The following XKR4 variants were observed in gnomAD, a reference collection of about 807,000 sequenced individuals.
XKR4 encodes XK-related protein 4.
XKR4 carries 12 observed loss-of-function variants against 53.9 expected under a neutral mutation model. That is an observed-to-expected ratio of 0.22 (90% CI 0.14 to 0.36). XKR4 has a LOEUF of 0.36. Among genes scored for constraint, XKR4 ranks in the 10% least tolerant of loss-of-function variants. The pLI is 1.00. For missense variants in XKR4, 799 were observed against 859.5 expected, an observed-to-expected ratio of 0.93 and a Z score of 0.88; for synonymous variants, 354 against 362.4, an observed-to-expected ratio of 0.98 and a Z score of 0.26.
At chr8:55,365,164 T>G (rs1803958209) in intron 2 of XKR4, among the ~76,000 whole-genome samples, 1 of 152,216 alleles carries the variant, frequency 6.6e-6, no homozygotes, top group Non-Finnish European at 1.5e-5. Flanking sequence ...ACCTTTTGGC[T>G]GCCCTGGGAT....
At chr8:55,247,802 A>G (rs1041761752) in intron 1 of XKR4, among the ~76,000 whole-genome samples, 2 of 144,892 alleles carry the variant, frequency 1.4e-5, no homozygotes, top group Non-Finnish European at 3.1e-5. Context: ...TAACCAGTAC[A>G]GAACCACTTA....
chr8:55,457,146 C>CTTTTCTCTTTT (rs533607534), intron 2 of XKR4, among the ~76,000 whole-genome samples: 1 of 137,264 alleles, frequency 7.3e-6, no homozygotes, highest in Non-Finnish European at 1.6e-5. Context: ...TTTTCCTTTT[C>CTTTTCTCTTTT]TTTTTTTTTT....
At chr8:55,379,233 A>C (rs1804197606) in intron 2 of XKR4, among the ~76,000 whole-genome samples, 1 of 152,198 alleles carries the variant, frequency 6.6e-6, no homozygotes, top group Non-Finnish European at 1.5e-5. Context: ...CAAAATATCA[A>C]CATAATGCAC....
intron 2 of XKR4, among the ~76,000 whole-genome samples, chr8:55,418,655 C>A (rs868862009): frequency 6.6e-6 from 1 of 152,194 alleles, no homozygotes; most frequent in Non-Finnish European, 1.5e-5. Flanking sequence ...CAGTTCATCT[C>A]ACTCCTCTAT....
intron 1 of XKR4, among the ~76,000 whole-genome samples, chr8:55,322,378 C>T (rs570131170): frequency 1.8e-4 from 28 of 152,048 alleles, no homozygotes; most frequent in African/African-American, 3.4e-4. Flanking sequence ...TTATTCATTC[C>T]GCTGTTGTTG....
At chr8:55,327,816 A>G (rs778653646) in intron 1 of XKR4, among the ~76,000 whole-genome samples, 2 of 152,218 alleles carry the variant, frequency 1.3e-5, no homozygotes, top group Non-Finnish European at 2.9e-5. Context: ...GACATTTTAC[A>G]TGGAGAAAAA....
intron 1 of XKR4, among the ~76,000 whole-genome samples, chr8:55,121,049 AT>A (rs1282008969): frequency 6.6e-6 from 1 of 152,224 alleles, no homozygotes; most frequent in East Asian, 1.9e-4. Context: ...TTGATAGCTC[AT>A]TTGTTTTTAA....
intron 2 of XKR4, chr8:55,450,456 G>A: frequency 1.7e-6 from 1 of 585,554 alleles, no homozygotes; most frequent in Non-Finnish European, 3.2e-6. Context: ...CTGCAAGGCA[G>A]CTGGCTCCTG....
At chr8:55,125,920 C>T (rs1241941558) in intron 1 of XKR4, among the ~76,000 whole-genome samples, 1 of 152,172 alleles carries the variant, frequency 6.6e-6, no homozygotes, top group Admixed American at 6.5e-5. Context: ...AGTGTGAGCC[C>T]TGTGTTACTA....
At chr8:55,145,412 A>G (rs1816760618) in intron 1 of XKR4, among the ~76,000 whole-genome samples, 2 of 137,248 alleles carry the variant, frequency 1.5e-5, no homozygotes, top group African/African-American at 5.3e-5. Flanking sequence ...ACTACAGTTA[A>G]TACCTAAAAT....
intron 1 of XKR4, among the ~76,000 whole-genome samples, chr8:55,152,257 C>T (rs77572335): frequency 6.6e-6 from 1 of 152,246 alleles, no homozygotes; most frequent in East Asian, 1.9e-4. Flanking sequence ...TAATGAGGTA[C>T]TAGCTTTGAT....
intron 2 of XKR4, among the ~76,000 whole-genome samples, chr8:55,373,178 T>G (rs1029186317): frequency 6.6e-6 from 1 of 151,788 alleles, no homozygotes; most frequent in Non-Finnish European, 1.5e-5. Context: ...ACTTTTGGGG[T>G]TTTTTTTAGA....
At chr8:55,325,761 A>G (rs1803282587) in intron 1 of XKR4, among the ~76,000 whole-genome samples, 1 of 152,204 alleles carries the variant, frequency 6.6e-6, no homozygotes, top group Admixed American at 6.5e-5. Flanking sequence ...CCTGGCCCCA[A>G]ATGTTATCAC....
chr8:55,263,970 G>A (rs759544088), intron 1 of XKR4, among the ~76,000 whole-genome samples: 23 of 152,234 alleles, frequency 1.5e-4, no homozygotes, highest in Non-Finnish European at 8.8e-5. Context: ...CCATACGTGA[G>A]TTGTTTTAAA....
chr8:55,320,780 G>T (rs1268754230), intron 1 of XKR4, among the ~76,000 whole-genome samples: 1 of 152,050 alleles, frequency 6.6e-6, no homozygotes, highest in Non-Finnish European at 1.5e-5. Context: ...GTCAGACTCG[G>T]TTCCTTCACT....
At chr8:55,169,454 G>C (rs1817119590) in intron 1 of XKR4, among the ~76,000 whole-genome samples, 2 of 152,204 alleles carry the variant, frequency 1.3e-5, no homozygotes, top group South Asian at 4.1e-4. Context: ...AGTTACAGAA[G>C]GGTATCGACT....
intron 1 of XKR4, among the ~76,000 whole-genome samples, chr8:55,136,054 T>G (rs999737975): frequency 3.3e-5 from 5 of 152,000 alleles, no homozygotes; most frequent in Non-Finnish European, 7.4e-5. Flanking sequence ...CCACCATACC[T>G]GGCTAATTTT....
intron 1 of XKR4, among the ~76,000 whole-genome samples, chr8:55,180,468 G>A (rs1001823250): frequency 2.0e-5 from 3 of 152,214 alleles, no homozygotes; most frequent in Non-Finnish European, 4.4e-5. Flanking sequence ...AGGGGTGTCA[G>A]TGTGGCGAAA....
intron 2 of XKR4, among the ~76,000 whole-genome samples, chr8:55,458,012 C>A (rs57276336): frequency 6.6e-6 from 1 of 152,250 alleles, no homozygotes; most frequent in South Asian, 2.1e-4. Context: ...ATATACCATG[C>A]TCACTGATTG....
Sources: gnomAD v4.1 joint callset for allele counts (sites outside exome capture counted in the v4.1 genomes callset) on GRCh38, gnomAD v4.1.1 for gene constraint, MANE v1.5 for transcripts, NCBI Gene and HGNC (gene_info 2026-07-23, HGNC 2026-07-21) for gene names.